The following SPATA13 variants were observed in gnomAD, a reference collection of about 807,000 sequenced individuals.
The protein encoded by SPATA13 is spermatogenesis-associated protein 13.
SPATA13 carries 50 observed loss-of-function variants against 104.0 expected under a neutral mutation model. That is an observed-to-expected ratio of 0.48 (90% confidence interval 0.38 to 0.61). The LOEUF (loss-of-function observed/expected upper bound fraction) is 0.61. Among genes scored for constraint, SPATA13 ranks in the 20% least tolerant of loss-of-function variants. SPATA13 has a pLI of 0.00. For missense variants in SPATA13, 1,524 were observed against 1,690.6 expected, an observed-to-expected ratio of 0.90 and a Z score of 1.73; for synonymous variants, 606 against 667.5, an observed-to-expected ratio of 0.91 and a Z score of 1.42.
intron 11 of SPATA13, among the ~76,000 whole-genome samples, chr13:24,300,096 AC>A (rs1181643995): frequency 6.6e-6 from 1 of 152,002 alleles, no homozygotes; most frequent in Non-Finnish European, 1.5e-5. Flanking sequence ...AATTGGGATG[AC>A]CCTGTGGGAA....
upstream of SPATA13, among the ~76,000 whole-genome samples, chr13:24,157,632 G>A (rs1882302859): frequency 1.3e-5 from 2 of 152,100 alleles, no homozygotes; most frequent in Admixed American, 6.5e-5. Context: ...AGGGTGGGGC[G>A]GAAGCCATAC....
At chr13:24,160,531 A>C (rs1353409895), upstream of SPATA13, among the ~76,000 whole-genome samples, 1 of 152,176 alleles carries the variant, frequency 6.6e-6, no homozygotes, top group Admixed American at 6.5e-5. Context: ...GGCAAGAGCC[A>C]CTGCGCCTGG....
At chr13:24,260,917 T>C (rs145049972) in intron 4 of SPATA13, among the ~76,000 whole-genome samples, 1 of 152,356 alleles carries the variant, frequency 6.6e-6, no homozygotes, top group Non-Finnish European at 1.5e-5. Flanking sequence ...TTAAGTTATG[T>C]TCATGGCATG....
At chr13:24,138,906 A>C (rs559556124) in intron 3 of SPATA13, among the ~76,000 whole-genome samples, 2 of 152,168 alleles carry the variant, frequency 1.3e-5, no homozygotes, top group African/African-American at 4.8e-5. Flanking sequence ...ATATCTTTTC[A>C]TATCCTTCAT....
chr13:24,127,821 C>T (rs1200613894), intron 3 of SPATA13, among the ~76,000 whole-genome samples: 1 of 152,148 alleles, frequency 6.6e-6, no homozygotes, highest in Non-Finnish European at 1.5e-5. Context: ...AATTGCACAG[C>T]AAGGAATAAA....
chr13:23,984,044 A>T (rs1875035524), intron 2 of SPATA13: 11 of 727,168 alleles, frequency 1.5e-5, no homozygotes, highest in African/African-American at 1.9e-5. Context: ...TAGAATTTGA[A>T]GGTTTTCACT....
At chr13:24,288,370 C>G (rs1124510) in intron 7 of SPATA13, among the ~76,000 whole-genome samples, 3,186 of 152,278 alleles carry the variant, frequency 0.021, 120 homozygotes, top group African/African-American at 0.071. Context: ...TCAGTTTATT[C>G]TACTGAATGT....
At chr13:24,018,319 A>G (rs976454908) in intron 3 of SPATA13, among the ~76,000 whole-genome samples, 1 of 152,244 alleles carries the variant, frequency 6.6e-6, no homozygotes, top group Non-Finnish European at 1.5e-5. Flanking sequence ...TTGATGGACA[A>G]ATAGAAATGT....
At chr13:24,243,225 T>C (rs1872945658) in intron 2 of SPATA13, among the ~76,000 whole-genome samples, 1 of 152,262 alleles carries the variant, frequency 6.6e-6, no homozygotes, top group South Asian at 2.1e-4. Context: ...TTAATTGATA[T>C]GTGACATATG....
At chr13:23,999,676 G>T (rs1399172369) in intron 2 of SPATA13, among the ~76,000 whole-genome samples, 1 of 152,178 alleles carries the variant, frequency 6.6e-6, no homozygotes, top group African/African-American at 2.4e-5. Context: ...CAGGGTATTT[G>T]TTTCTGCCTC....
At chr13:24,098,059 C>G (rs1358836611) in intron 3 of SPATA13, among the ~76,000 whole-genome samples, 1 of 151,992 alleles carries the variant, frequency 6.6e-6, no homozygotes, top group African/African-American at 2.4e-5. Context: ...GAAAATGGCC[C>G]TAGAAGGCTA....
At chr13:24,142,900 T>A (rs1593357363) in intron 3 of SPATA13, among the ~76,000 whole-genome samples, 2 of 152,196 alleles carry the variant, frequency 1.3e-5, no homozygotes, top group Admixed American at 1.3e-4. Flanking sequence ...GTCATCCTCA[T>A]GTCAGTCAGG....
At chr13:24,075,261 A>T (rs532032528) in intron 3 of SPATA13, among the ~76,000 whole-genome samples, 11 of 152,310 alleles carry the variant, frequency 7.2e-5, no homozygotes, top group African/African-American at 2.6e-4. Context: ...TCCCACTAAA[A>T]TATCAGTTCT....
At chr13:24,166,981 G>C (rs970865555) in intron 1 of SPATA13, among the ~76,000 whole-genome samples, 4 of 152,220 alleles carry the variant, frequency 2.6e-5, no homozygotes, top group Non-Finnish European at 5.9e-5. Flanking sequence ...ATCTCTCAGA[G>C]TTTCAAAACC....
intron 3 of SPATA13, among the ~76,000 whole-genome samples, chr13:24,044,236 T>TC (rs772978809): frequency 3.2e-4 from 27 of 85,042 alleles, no homozygotes; most frequent in South Asian, 2.8e-3. Context: ...TTTCTTTCTT[T>TC]TTTTTTTTTT....
At chr13:24,067,264 A>G (rs1878997272) in intron 3 of SPATA13, among the ~76,000 whole-genome samples, 2 of 152,136 alleles carry the variant, frequency 1.3e-5, no homozygotes, top group African/African-American at 4.8e-5. Context: ...AAACACCAGA[A>G]TCCAGATAGC....
chr13:24,187,663 G>C (rs1451612764), intron 1 of SPATA13, among the ~76,000 whole-genome samples: 2 of 152,120 alleles, frequency 1.3e-5, no homozygotes, highest in Non-Finnish European at 2.9e-5. Context: ...TCTATGATCA[G>C]AGATCTTTGA....
intron 1 of SPATA13, among the ~76,000 whole-genome samples, chr13:24,201,415 A>G (rs1385279351): frequency 2.7e-5 from 4 of 149,874 alleles, no homozygotes; most frequent in Admixed American, 6.7e-5. Flanking sequence ...TTGATTTACT[A>G]TTAACTAAAG....
chr13:24,005,820 G>A (rs1264221182), intron 2 of SPATA13, among the ~76,000 whole-genome samples: 1 of 152,190 alleles, frequency 6.6e-6, no homozygotes, highest in Non-Finnish European at 1.5e-5. Context: ...TTTTGTCAAT[G>A]GAGGAGTGGA....
Sources: allele counts gnomAD v4.1 joint callset (sites outside exome capture counted in the v4.1 genomes callset), GRCh38; gene constraint gnomAD v4.1.1; transcripts MANE v1.5; gene names NCBI Gene and HGNC (gene_info 2026-07-23, HGNC 2026-07-21).